Variants in FAAP24 observed in about 807,000 individuals in gnomAD.
FAAP24 encodes the protein FA core complex associated protein 24.
In FAAP24, 16 loss-of-function variants were observed where a neutral mutation model predicts 14.3. The observed-to-expected ratio is 1.12, with a 90% confidence interval of 0.76 to 1.69. The LOEUF (loss-of-function observed/expected upper bound fraction) is 1.69, where lower values mean the gene tolerates loss of function less well. Ranked by LOEUF, FAAP24 falls within the 40% of genes most tolerant of loss-of-function variation. FAAP24 has a pLI of 0.00. For synonymous variants in FAAP24, 111 were observed against 106.2 expected (o/e 1.04, Z -0.28); for missense variants, 234 against 262.7 (o/e 0.89, Z 0.75).
Position 32,976,659 on chromosome 19 carries a change from G to A in FAAP24, c.625G>A (p.Ala209Thr). ...VGQAVAQQIH[A>T]FFTQPR ...ACAAGCAGTGGCACAGCAGATCCAT[G>A]CCTTCTTCACGCAGCCCAGGTGAGG... is the stretch of plus-strand genomic sequence containing the variant. Residue 209 changes from alanine (A) to threonine (T), a missense_variant, in exon 5 of 5, where the codon GCC (alanine) becomes ACC (threonine). Transcript: ENST00000588258. The A allele has an allele frequency of 6.2e-7, 1 of 1,614,168 alleles. No homozygotes were observed. The highest frequency in any genetic ancestry group is 8.5e-7 in the Non-Finnish European group (1 of 1,180,038).
At chr19:32,973,093 G>C in intron 1 of FAAP24, 91 bp from the exon 2 acceptor site, 1 of 878,484 alleles carries the variant, frequency 1.1e-6, no homozygotes, top group Non-Finnish European at 1.8e-6. Flanking sequence ...TTGCAGAGGG[G>C]ATCCTGCCCC....
rs1254115043 is a variant in FAAP24, at chr19:32,977,721, C to T, written c.*1039C>T. ...GAATCACAAGGTCAGGAGATCCAGA[C>T]CATCCTGGCCGACATGGTGAAGCCC... On this transcript the variant is annotated 3_prime_UTR_variant, in exon 5 of 5. Coordinates refer to ENST00000588258, the MANE Select transcript of FAAP24 (RefSeq NM_152266.5). 3.3e-6 allele frequency: 1 copy of T among 305,410 alleles called. No homozygotes were observed. Among genetic ancestry groups the T allele is most frequent in the Non-Finnish European group, 5.9e-6 (1 of 168,518 alleles). The allele number at this position is 305,410 out of a possible 1,614,324, so 18.9% of individuals were successfully genotyped here. A position where few individuals can be genotyped will look rare whatever the true frequency, so the allele number is the denominator to read the frequency against.
Position 32,977,496 on chromosome 19 carries a change from G to T in FAAP24, c.*814G>T, listed in dbSNP as rs1447034297. On this transcript the variant is annotated 3_prime_UTR_variant, in exon 5 of 5. Transcript: ENST00000588258. ...AATGTAAATAAATAACTGCGCAACA[G>T]TTCCTTCCTCCTTTCCTTTGTTCCT... 3.3e-5 allele frequency: 13 copies of T among 398,400 alleles called. No homozygotes were observed. Among genetic ancestry groups the T allele is most frequent in the Non-Finnish European group, 5.3e-5 (12 of 226,104 alleles). The allele number at this position is 398,400 out of a possible 1,614,324, so 24.7% of individuals were successfully genotyped here.
In FAAP24 at chr19:32,977,716, C is replaced by G. The variant is rs572177191; in HGVS notation, c.*1034C>G. ...GGGGTGAATCACAAGGTCAGGAGAT[C>G]CAGACCATCCTGGCCGACATGGTGA... On this transcript the variant is annotated 3_prime_UTR_variant, in exon 5 of 5. Coordinates refer to ENST00000588258, the MANE Select transcript of FAAP24 (RefSeq NM_152266.5). The G allele has an allele frequency of 6.3e-6, 2 of 316,070 alleles. No individual in the cohort carries two copies. The highest frequency in any genetic ancestry group is 1.1e-5 in the Non-Finnish European group (2 of 175,322). The allele number at this position is 316,070 out of a possible 1,614,324, so 19.6% of individuals were successfully genotyped here.
chr19:32,972,425 G>T, intron 1 of FAAP24, 79 bp downstream of exon 1: 1 of 401,098 alleles, frequency 2.5e-6, no homozygotes, highest in South Asian at 1.2e-4. Flanking sequence ...GGAATCTCCT[G>T]GTTCTTAGAG....
rs1416048457 is a variant in FAAP24 at position 32,976,814 on chromosome 19, G to A, written c.*132G>A. 38 of 1,143,980 alleles carry A rather than the reference G, an allele frequency of 3.3e-5. No homozygotes were observed. The highest frequency in any genetic ancestry group is 4.0e-5 in the Non-Finnish European group (33 of 824,010). The allele number at this position is 1,143,980 out of a possible 1,614,324, so 70.9% of individuals were successfully genotyped here. A position where few individuals can be genotyped will look rare whatever the true frequency, so the allele number is the denominator to read the frequency against. ...TCTAATCTCAGCACTTTGGGAGGCCGAAGACAGCGGATCATCTGAGGTCAG... is the reference window on the plus strand; with the variant it reads ...TCTAATCTCAGCACTTTGGGAGGCCAAAGACAGCGGATCATCTGAGGTCAG... On this transcript the variant is annotated 3_prime_UTR_variant, in exon 5 of 5. Coordinates refer to ENST00000588258, the MANE Select transcript of FAAP24 (RefSeq NM_152266.5).
chr19:32,975,727 G>A (rs1041785674), intron 4 of FAAP24, among the ~76,000 whole-genome samples: 1 of 152,090 alleles, frequency 6.6e-6, no homozygotes, highest in African/African-American at 2.4e-5. Context: ...CAAAGTGCTG[G>A]GATTACAGTC....
intron 4 of FAAP24, among the ~76,000 whole-genome samples, chr19:32,975,024 C>T (rs974719714): frequency 1.3e-5 from 2 of 151,778 alleles, no homozygotes; most frequent in Non-Finnish European, 1.5e-5. Flanking sequence ...TACAGGCACG[C>T]ACCACCACAC....
At position 32,977,531 on chromosome 19, in the gene FAAP24, C is replaced by G. The variant is rs545797133; in HGVS notation, c.*849C>G. 75 of 398,298 alleles carry G rather than the reference C, an allele frequency of 1.9e-4. 1 individual carries two copies. The Middle Eastern group carries it at 2.5e-3, about 13-fold the overall frequency. 24.7% of individuals were successfully genotyped at this position (398,298 alleles called of 1,614,324 possible). A position where few individuals can be genotyped will look rare whatever the true frequency, so the allele number is the denominator to read the frequency against. ...CCTTTCCTTTGTTCCTCCCTCCCCCCGGCCTTTTTTTTTGGCAGATGTACA... is the reference window on the plus strand; with the variant it reads ...CCTTTCCTTTGTTCCTCCCTCCCCCGGGCCTTTTTTTTTGGCAGATGTACA... On this transcript the variant is annotated 3_prime_UTR_variant, in exon 5 of 5. Coordinates refer to ENST00000588258, the MANE Select transcript of FAAP24 (RefSeq NM_152266.5).
Position 32,972,275 on chromosome 19 carries a change from A to C in FAAP24, c.-85A>C. 2 of 455,698 alleles carry C rather than the reference A, an allele frequency of 4.4e-6. No individual in the cohort carries two copies. Among genetic ancestry groups the C allele is most frequent in the Admixed American group, 3.7e-5 (1 of 27,254 alleles). The allele number at this position is 455,698 out of a possible 1,614,324, so 28.2% of individuals were successfully genotyped here. A position where few individuals can be genotyped will look rare whatever the true frequency, so the allele number is the denominator to read the frequency against. The stretch of plus-strand genomic sequence containing the variant: ...GGAAGGTGGCGCGGCCACCAGTAAC[A>C]TGATCTCTAGACTGGGACGGTGGGG... On this transcript the variant is annotated 5_prime_UTR_variant, in exon 1 of 5. An upstream start codon of the reference 5' UTR is lost. Transcript: ENST00000588258.
rs1971472139 is a variant in FAAP24 at position 32,973,499 on chromosome 19, T to C, written c.180T>C (p.Tyr60=). The C allele has an allele frequency of 6.2e-7, 1 of 1,614,258 alleles. No individual in the cohort carries two copies. Among genetic ancestry groups the C allele is most frequent in the Non-Finnish European group, 8.5e-7 (1 of 1,180,040 alleles). The part of the protein sequence containing the change: ...FYLSNRCCIL[Y]VTEADLVAGN... ...TGTCGAACAGATGCTGCATTCTTTA[T>C]GTCACCGAAGCTGATTTGGTGGCAG... Residue 60 remains tyrosine, a synonymous_variant, in exon 3 of 5, where the codon TAT becomes TAC. Transcript: ENST00000588258.
rs1052107739 is a variant in FAAP24, at chr19:32,977,238, A to G, written c.*556A>G. ...AAAGGGCTGGTGGGATCTTCGCAAGAGAGTCAGGGACTCACACTCAGCAAA... is the reference window on the plus strand; with the variant it reads ...AAAGGGCTGGTGGGATCTTCGCAAGGGAGTCAGGGACTCACACTCAGCAAA... On this transcript the variant is annotated 3_prime_UTR_variant, in exon 5 of 5. Coordinates refer to ENST00000588258, the MANE Select transcript of FAAP24 (RefSeq NM_152266.5). 12 of 399,282 alleles carry G rather than the reference A, an allele frequency of 3.0e-5. No homozygotes were observed. The highest frequency in any genetic ancestry group is 6.2e-4 in the Middle Eastern group (1 of 1,610). The allele number at this position is 399,282 out of a possible 1,614,324, so 24.7% of individuals were successfully genotyped here.
Position 32,977,971 on chromosome 19 carries a change from A to G in FAAP24, c.*1289A>G, listed in dbSNP as rs1384201121. 2.6e-5 allele frequency: 4 copies of G among 152,206 alleles called. No individual in the cohort carries two copies. The highest frequency in any genetic ancestry group is 9.7e-5 in the African/African-American group (4 of 41,448). 9.4% of individuals were successfully genotyped at this position (152,206 alleles called of 1,614,324 possible). A position where few individuals can be genotyped will look rare whatever the true frequency, so the allele number is the denominator to read the frequency against. On this transcript the variant is annotated 3_prime_UTR_variant, in exon 5 of 5. Transcript: ENST00000588258. ...GAAAACTCAACATGCATGAGGCAGA[A>G]CAGGCTGTGTTTGTATATGAAAGGC...
Position 32,977,637 on chromosome 19 carries a change from A to G in FAAP24, c.*955A>G, listed in dbSNP as rs573305459. 3 of 389,756 alleles carry G rather than the reference A, an allele frequency of 7.7e-6. No individual in the cohort carries two copies. Among genetic ancestry groups the G allele is most frequent in the Middle Eastern group, 1.3e-3 (2 of 1,544 alleles). The allele number at this position is 389,756 out of a possible 1,614,324, so 24.1% of individuals were successfully genotyped here. ...GTTCCCACTTAAAGTTGAAAACTCA[A>G]CGGCCGGGCATAGTGGCTCACACCT... On this transcript the variant is annotated 3_prime_UTR_variant, in exon 5 of 5. Transcript: ENST00000588258.
chr19:32,976,531 TC>T lies in FAAP24; in HGVS notation c.500del (p.Pro167GlnfsTer21), dbSNP rs1971519863. 6.2e-7 allele frequency: 1 copy of T among 1,614,136 alleles called. No homozygotes were observed. On this transcript the variant is annotated frameshift_variant, in exon 5 of 5. Coordinates refer to ENST00000588258, the MANE Select transcript of FAAP24 (RefSeq NM_152266.5). LOFTEE classifies it high-confidence loss of function. ...EPSLLRTVQQ[I>X]PGVGKVKAPL... ...TCGCTCCTTCGAACCGTGCAGCAGA[TC>T]CCAGGAGTTGGAAAAGTTAAAGCTC...
At chr19:32,972,369 A>C (rs1488664354) in intron 1 of FAAP24, 23 bp downstream of exon 1, 3 of 403,250 alleles carry the variant, frequency 7.4e-6, no homozygotes, top group Non-Finnish European at 1.3e-5. Context: ...CTGGGGTATC[A>C]GGGGCTAGGC....
Position 32,977,035 on chromosome 19 carries a change from C to T in FAAP24, c.*353C>T, listed in dbSNP as rs544162855. The T allele has an allele frequency of 3.5e-4, 137 of 394,104 alleles. No individual in the cohort carries two copies. Among genetic ancestry groups the T allele is most frequent in the Admixed American group, 5.4e-4 (12 of 22,020 alleles). 24.4% of individuals were successfully genotyped at this position (394,104 alleles called of 1,614,324 possible). A position where few individuals can be genotyped will look rare whatever the true frequency, so the allele number is the denominator to read the frequency against. On this transcript the variant is annotated 3_prime_UTR_variant, in exon 5 of 5. Coordinates refer to ENST00000588258, the MANE Select transcript of FAAP24 (RefSeq NM_152266.5). ...CAGCCTGGGCACCAGAGCGAGACTC[C>T]GTCTCAAAGAAAACAACAAAAAAAA...
chr19:32,976,195 C>T (rs574179499), intron 4 of FAAP24, among the ~76,000 whole-genome samples: 234 of 152,282 alleles, frequency 1.5e-3, no homozygotes, highest in African/African-American at 5.4e-3. Flanking sequence ...GTGTGTTTTT[C>T]TAAACATTCT....
chr19:32,975,528 C>T (rs971343150), intron 4 of FAAP24, among the ~76,000 whole-genome samples: 1 of 147,056 alleles, frequency 6.8e-6, no homozygotes, highest in Non-Finnish European at 1.5e-5. Flanking sequence ...GATGCAGTCT[C>T]GGCTCACTGC....
Sources: allele counts gnomAD v4.1 joint callset (sites outside exome capture counted in the v4.1 genomes callset), GRCh38; gene constraint gnomAD v4.1.1; transcripts MANE v1.5; gene names NCBI Gene and HGNC (gene_info 2026-07-23, HGNC 2026-07-21).